The following CFAP263 variants were observed in gnomAD, a reference collection of about 807,000 sequenced individuals.
CFAP263 encodes cilia and flagella associated protein 263.
chr16:58,280,060 TG>T, the CFAP263 span: 3 of 701,052 alleles, frequency 4.3e-6, no homozygotes, highest in Non-Finnish European at 7.2e-6. Context: ...TTCCCACACC[TG>T]GGAGAGGGAT....
the CFAP263 span, among the ~76,000 whole-genome samples, chr16:58,267,111 A>G: frequency 6.6e-6 from 1 of 152,164 alleles, no homozygotes. Flanking sequence ...TGTGCCAGGC[A>G]CTGTGTTCAG....
chr16:58,256,157 C>G, the CFAP263 span, among the ~76,000 whole-genome samples: 1 of 152,226 alleles, frequency 6.6e-6, no homozygotes, highest in African/African-American at 2.4e-5. Flanking sequence ...ACTCATGTCT[C>G]CCATTGATGC....
At chr16:58,255,202 C>G in the CFAP263 span, among the ~76,000 whole-genome samples, 8 of 152,194 alleles carry the variant, frequency 5.3e-5, no homozygotes, top group African/African-American at 1.9e-4. Context: ...GCTGCTGGTA[C>G]AAGTCCGAGG....
the CFAP263 span, chr16:58,262,571 C>G: frequency 6.4e-7 from 1 of 1,562,910 alleles, no homozygotes; most frequent in Non-Finnish European, 8.7e-7. Flanking sequence ...CAGGGCTCCC[C>G]CAAGGCTTTC....
At chr16:58,281,006 T>G in the CFAP263 span, 1 of 484,604 alleles carries the variant, frequency 2.1e-6, no homozygotes, top group African/African-American at 1.9e-5. Context: ...TGGTTCATAT[T>G]TCATTTTCTT....
chr16:58,250,176 C>T, the CFAP263 span: 5 of 1,078,028 alleles, frequency 4.6e-6, no homozygotes, highest in Admixed American at 2.3e-5. Context: ...CTCCGGGCGG[C>T]CTCGGACTTG....
At chr16:58,274,100 C>T in the CFAP263 span, among the ~76,000 whole-genome samples, 2 of 152,200 alleles carry the variant, frequency 1.3e-5, no homozygotes, top group African/African-American at 4.8e-5. Flanking sequence ...TTGCTTTCAA[C>T]AATACCCTGA....
At chr16:58,251,461 G>A in the CFAP263 span, among the ~76,000 whole-genome samples, 2 of 152,120 alleles carry the variant, frequency 1.3e-5, no homozygotes, top group African/African-American at 2.4e-5. Flanking sequence ...GCATGATCTC[G>A]GCTCACTGCA....
the CFAP263 span, chr16:58,280,697 C>A: frequency 2.5e-6 from 4 of 1,614,042 alleles, no homozygotes; most frequent in East Asian, 8.9e-5. Context: ...TTCAGGACTC[C>A]TCTCAGAACC....
chr16:58,253,253 C>T, the CFAP263 span, among the ~76,000 whole-genome samples: 4 of 151,966 alleles, frequency 2.6e-5, no homozygotes, highest in East Asian at 7.7e-4. Context: ...TGGTGATATG[C>T]ACCTGTAGTT....
the CFAP263 span, chr16:58,283,727 A>G: frequency 3.3e-5 from 5 of 152,250 alleles, no homozygotes; most frequent in African/African-American, 7.2e-5. Context: ...CAGAGGACCC[A>G]GTACAAAATA....
At chr16:58,271,012 A>G in the CFAP263 span, among the ~76,000 whole-genome samples, 1 of 152,192 alleles carries the variant, frequency 6.6e-6, no homozygotes, top group Admixed American at 6.5e-5. Flanking sequence ...ATACAATTAT[A>G]TATGTATTTT....
chr16:58,263,368 CTCAG>C, the CFAP263 span, among the ~76,000 whole-genome samples: 1 of 152,222 alleles, frequency 6.6e-6, no homozygotes, highest in Non-Finnish European at 1.5e-5. Context: ...CAGTATTGTA[CTCAG>C]TTTTTATATT....
chr16:58,279,547 C>T, the CFAP263 span: 11 of 642,326 alleles, frequency 1.7e-5, no homozygotes, highest in South Asian at 1.8e-4. Context: ...ATGGAGGACA[C>T]GCTGCCCCAC....
the CFAP263 span, chr16:58,280,319 C>G: frequency 2.5e-6 from 4 of 1,614,136 alleles, no homozygotes; most frequent in Non-Finnish European, 2.5e-6. Flanking sequence ...ATCCTACCTT[C>G]CCCCACCTCC....
At chr16:58,260,513 G>A in the CFAP263 span, among the ~76,000 whole-genome samples, 4 of 152,198 alleles carry the variant, frequency 2.6e-5, no homozygotes, top group East Asian at 7.7e-4. Flanking sequence ...CAGAGTTGGC[G>A]TGAATTTAAA....
chr16:58,258,888 G>A, the CFAP263 span, among the ~76,000 whole-genome samples: 1 of 152,072 alleles, frequency 6.6e-6, no homozygotes, highest in South Asian at 2.1e-4. Flanking sequence ...TGAGGCAGGA[G>A]AATCGCTTGA....
At chr16:58,250,024 G>C in the CFAP263 span, 1 of 1,592,156 alleles carries the variant, frequency 6.3e-7, no homozygotes, top group Non-Finnish European at 8.6e-7. Context: ...GATGACTGAT[G>C]ATGAGTCCGA....
At chr16:58,254,483 G>A in the CFAP263 span, among the ~76,000 whole-genome samples, 8 of 152,016 alleles carry the variant, frequency 5.3e-5, no homozygotes, top group Admixed American at 3.9e-4. Context: ...TCATCTGGCT[G>A]GGTTACTAGG....
Sources: allele counts gnomAD v4.1 joint callset (sites outside exome capture counted in the v4.1 genomes callset), GRCh38; gene constraint gnomAD v4.1.1; transcripts MANE v1.5; gene names NCBI Gene and HGNC (gene_info 2026-07-23, HGNC 2026-07-21).